NRG1: variants seen among roughly 807,000 people sequenced by gnomAD.
The protein encoded by NRG1 is neuregulin 1, also known as pro-neuregulin-1, membrane-bound isoform.
A neutral mutation model predicts 63.8 loss-of-function variants in NRG1; 18 were observed. That is an observed-to-expected ratio of 0.28 (90% CI 0.19 to 0.42). NRG1 has a LOEUF of 0.42. Ranked by LOEUF, NRG1 falls within the 10% of genes least tolerant of loss-of-function variation. The pLI, the probability that NRG1 is intolerant of heterozygous loss-of-function variation, is 1.00. For synonymous variants in NRG1, 302 were observed against 301.3 expected, an observed-to-expected ratio of 1.00 and a Z score of -0.02; for missense variants, 762 against 814.7, an observed-to-expected ratio of 0.94 and a Z score of 0.79.
chr8:32,248,245 A>T (rs1848775838), intron 1 of NRG1, among the ~76,000 whole-genome samples: 1 of 152,106 alleles, frequency 6.6e-6, no homozygotes, highest in Admixed American at 6.6e-5. Flanking sequence ...AGAAATAGTA[A>T]CATCTGTTGC....
chr8:32,045,625 C>T (rs1053434011), intron 1 of NRG1, among the ~76,000 whole-genome samples: 4 of 151,716 alleles, frequency 2.6e-5, no homozygotes, highest in Non-Finnish European at 5.9e-5. Context: ...TCAGTGGGTC[C>T]CATAGATCAA....
At chr8:32,492,225 A>G (rs1461836985) in intron 1 of NRG1, among the ~76,000 whole-genome samples, 2 of 152,210 alleles carry the variant, frequency 1.3e-5, no homozygotes, top group Non-Finnish European at 2.9e-5. Context: ...AAGGTGGCCA[A>G]TAAATCCTTG....
At chr8:31,915,157 C>A (rs532803894) in intron 1 of NRG1, among the ~76,000 whole-genome samples, 8 of 151,854 alleles carry the variant, frequency 5.3e-5, no homozygotes, top group African/African-American at 1.9e-4. Flanking sequence ...GCAGTATCTG[C>A]CATTTATCTG....
At chr8:32,760,101 A>G (rs1830421053) in intron 10 of NRG1, 99 bp from the exon 11 acceptor site, 4 of 1,350,454 alleles carry the variant, frequency 3.0e-6, no homozygotes, top group Non-Finnish European at 4.1e-6. Flanking sequence ...GTGCATCAGT[A>G]GTTTGAAACA....
intron 1 of NRG1, among the ~76,000 whole-genome samples, chr8:32,305,137 G>A (rs1225909571): frequency 6.6e-6 from 1 of 151,720 alleles, no homozygotes; most frequent in Non-Finnish European, 1.5e-5. Flanking sequence ...GAAGATTGTA[G>A]GTAATTTATG....
At chr8:32,491,177 A>G (rs1430877601) in intron 1 of NRG1, among the ~76,000 whole-genome samples, 1 of 152,182 alleles carries the variant, frequency 6.6e-6, no homozygotes, top group Non-Finnish European at 1.5e-5. Flanking sequence ...AACATCTCTT[A>G]GAGATAATCA....
chr8:32,542,083 C>T (rs185076863), intron 1 of NRG1, among the ~76,000 whole-genome samples: 94 of 152,260 alleles, frequency 6.2e-4, no homozygotes, highest in Admixed American at 5.6e-3. Context: ...TAAAACCCAA[C>T]TATTTTATAG....
chr8:31,842,807 G>A (rs2129607951), intron 1 of NRG1, among the ~76,000 whole-genome samples: 1 of 152,268 alleles, frequency 6.6e-6, no homozygotes, highest in Non-Finnish European at 1.5e-5. Context: ...AAGACAAAAT[G>A]TATGGGTACA....
intron 1 of NRG1, among the ~76,000 whole-genome samples, chr8:32,135,278 A>T (rs1021386147): frequency 1.3e-5 from 2 of 152,178 alleles, no homozygotes; most frequent in Non-Finnish European, 2.9e-5. Context: ...ATGTGACTTG[A>T]CTTAAATTTT....
chr8:31,783,607 A>AAG (rs1233703511), intron 1 of NRG1, among the ~76,000 whole-genome samples: 1 of 151,476 alleles, frequency 6.6e-6, no homozygotes, highest in Non-Finnish European at 1.5e-5. Context: ...TTCAGGCAAA[A>AAG]AAAAAAAAAA....
rs190091706 is a variant in NRG1, at chr8:31,955,135, G to A, written c.37+315704G>A. Among the ~76,000 whole-genome samples the A allele has an allele frequency of 1.4e-4, 22 of 152,174 alleles. 1 individual carries two copies. Among genetic ancestry groups the A allele is most frequent in the African/African-American group, 5.1e-4 (21 of 41,510 alleles). On this transcript the variant is annotated intron_variant, in intron 1 of 10. Transcript: ENST00000519301. Reference sequence around the variant, plus strand: ...GTGCTTTTTTCCATTAAATAGTAATGGCATTATTAAAATTGGCATTATTAA... The same window carrying A: ...GTGCTTTTTTCCATTAAATAGTAATAGCATTATTAAAATTGGCATTATTAA...
intron 1 of NRG1, among the ~76,000 whole-genome samples, chr8:31,744,309 C>T (rs886124851): frequency 6.6e-6 from 1 of 152,028 alleles, no homozygotes; most frequent in African/African-American, 2.4e-5. Context: ...AACGTCTTTG[C>T]TTCATGATAC....
chr8:32,103,790 C>T (rs1190351751), intron 1 of NRG1, among the ~76,000 whole-genome samples: 1 of 151,900 alleles, frequency 6.6e-6, no homozygotes, highest in African/African-American at 2.4e-5. Flanking sequence ...AGAGATGCAC[C>T]GAGGCTGCTG....
intron 1 of NRG1, among the ~76,000 whole-genome samples, chr8:32,425,964 A>T (rs1480140259): frequency 6.6e-6 from 1 of 152,168 alleles, no homozygotes; most frequent in Non-Finnish European, 1.5e-5. Context: ...GAAACTATGG[A>T]TCATCCTGCC....
chr8:31,743,239 A>G (rs1047313936), intron 1 of NRG1, among the ~76,000 whole-genome samples: 3 of 151,918 alleles, frequency 2.0e-5, no homozygotes, highest in Non-Finnish European at 4.4e-5. Context: ...TCACTGGTAC[A>G]TGGAAAGAAT....
intron 1 of NRG1, among the ~76,000 whole-genome samples, chr8:31,718,285 C>T (rs1007080859): frequency 7.2e-5 from 11 of 152,052 alleles, no homozygotes; most frequent in Non-Finnish European, 1.6e-4. Context: ...CCCTGTCTTT[C>T]CCTAAGTACC....
chr8:31,766,469 G>A lies in NRG1; in HGVS notation c.37+127038G>A, dbSNP rs199907651. On this transcript the variant is annotated intron_variant, in intron 1 of 10. Transcript: ENST00000519301. ...AACCAAATGTTCCTATGGGAAGCTG[G>A]AACTTACTCAGCATTCACTTGAGAG... 2.6e-5 allele frequency among the ~76,000 whole-genome samples: 4 copies of A among 152,262 alleles called. No homozygotes were observed. The East Asian group carries it at 7.7e-4, about 29-fold the overall frequency.
At chr8:32,112,748 GAGA>G (rs1832198139) in intron 1 of NRG1, among the ~76,000 whole-genome samples, 1 of 152,134 alleles carries the variant, frequency 6.6e-6, no homozygotes, top group South Asian at 2.1e-4. Context: ...CTATAAACTG[GAGA>G]AGATTTACCT....
intron 5 of NRG1, among the ~76,000 whole-genome samples, chr8:32,646,335 A>G (rs575602607): frequency 3.9e-5 from 6 of 152,336 alleles, no homozygotes; most frequent in Non-Finnish European, 2.9e-5. Flanking sequence ...AGAGCTGTCC[A>G]TGGTTAGGAA....
Sources: gnomAD v4.1 joint callset for allele counts (sites outside exome capture counted in the v4.1 genomes callset) on GRCh38, gnomAD v4.1.1 for gene constraint, MANE v1.5 for transcripts, NCBI Gene and HGNC (gene_info 2026-07-23, HGNC 2026-07-21) for gene names.